MANBA: variants seen among roughly 807,000 people sequenced by gnomAD.
MANBA encodes beta-mannosidase.
A neutral mutation model predicts 111.1 loss-of-function variants in MANBA; 83 were observed. The observed-to-expected ratio is 0.75, with a 90% CI of 0.63 to 0.90. The LOEUF is 0.90. MANBA is among the 40% of genes least tolerant of loss of function. The pLI is 0.00. For missense variants in MANBA, 1,036 were observed against 1,069.0 expected (o/e 0.97, Z 0.43); for synonymous variants, 370 against 378.7 (o/e 0.98, Z 0.27).
intron 5 of MANBA, among the ~76,000 whole-genome samples, chr4:102,691,803 T>A (rs1732490192): frequency 6.6e-6 from 1 of 152,174 alleles, no homozygotes; most frequent in Non-Finnish European, 1.5e-5. Context: ...CCACCATGCC[T>A]GGCCAAGGAA....
At chr4:102,738,438 C>G (rs1194403318) in intron 1 of MANBA, among the ~76,000 whole-genome samples, 1 of 152,244 alleles carries the variant, frequency 6.6e-6, no homozygotes, top group Non-Finnish European at 1.5e-5. Context: ...TCTTGGCAGA[C>G]AGTCCCCAGC....
chr4:102,668,024 T>A (rs941282155), intron 10 of MANBA: 3 of 152,326 alleles, frequency 2.0e-5, no homozygotes, highest in East Asian at 1.9e-4. Context: ...CACAAGTTGG[T>A]TTCTAAACTG....
In MANBA at chr4:102,636,003, G is replaced by A. The variant is rs759861033; in HGVS notation, c.2019C>T (p.Tyr673=). 3.2e-5 allele frequency: 51 copies of A among 1,613,248 alleles called. No homozygotes were observed. The highest frequency in any genetic ancestry group is 2.9e-4 in the East Asian group (13 of 44,892). The change falls in exon 15 of 17, where the codon TAC becomes TAT. Residue 673 remains tyrosine (Y), a synonymous_variant. Transcript: ENST00000647097. ...AATGAAGCATTTTCCACTTTCCTCC[G>A]TACTCTGAAAATAATCAAGAGTGTC... is the stretch of plus-strand genomic sequence containing the variant. ...WQAPSWASLE[Y]GGKWKMLHYF... is the part of the protein sequence containing the mutation.
rs1195923041 is a variant in MANBA at position 102,757,329 on chromosome 4, CA to C, written c.177+3388del. Among the ~76,000 whole-genome samples the C allele has an allele frequency of 6.8e-3, 862 of 127,414 alleles. 8 individuals are homozygous for C. The highest frequency in any genetic ancestry group is 0.022 in the Admixed American group (273 of 12,580). The allele number at this position is 127,414 out of a possible 152,430, so 83.6% of individuals were successfully genotyped here. On this transcript the variant is annotated intron_variant, in intron 1 of 16. Transcript: ENST00000647097. ...GGGCAACAAGAGCGAAACTCCGTCT[CA>C]AAAAAAAAAAAATAGCAGGCTGAAG...
intron 5 of MANBA, among the ~76,000 whole-genome samples, chr4:102,706,698 A>G (rs1364981395): frequency 6.6e-6 from 1 of 152,192 alleles, no homozygotes; most frequent in African/African-American, 2.4e-5. Context: ...AAAAAAAAAG[A>G]AATCAGAAAA....
At chr4:102,680,574 C>T (rs1415052794) in intron 7 of MANBA, among the ~76,000 whole-genome samples, 2 of 148,102 alleles carry the variant, frequency 1.4e-5, no homozygotes, top group Non-Finnish European at 1.5e-5. Context: ...ACAATTTGTC[C>T]AAAGTTCTAA....
chr4:102,647,559 T>C (rs984630976), intron 13 of MANBA, among the ~76,000 whole-genome samples: 1 of 151,886 alleles, frequency 6.6e-6, no homozygotes, highest in Admixed American at 6.6e-5. Context: ...AAAAGTCTCT[T>C]ATACACACAC....
chr4:102,701,880 G>A (rs1029065596), intron 5 of MANBA, among the ~76,000 whole-genome samples: 3 of 151,734 alleles, frequency 2.0e-5, no homozygotes, highest in African/African-American at 7.3e-5. Flanking sequence ...GGCGTTCTCT[G>A]TATTTCCTGA....
intron 4 of MANBA, among the ~76,000 whole-genome samples, chr4:102,719,164 CAG>C (rs1722466670): frequency 6.6e-6 from 1 of 152,164 alleles, no homozygotes; most frequent in African/African-American, 2.4e-5. Flanking sequence ...CCGCATAAGA[CAG>C]ACACTCCCAG....
At chr4:102,695,551 TACAA>T (rs1732668581) in intron 5 of MANBA, among the ~76,000 whole-genome samples, 1 of 152,172 alleles carries the variant, frequency 6.6e-6, no homozygotes, top group South Asian at 2.1e-4. Context: ...TATTCTAACT[TACAA>T]ACAAAGGAAA....
chr4:102,702,407 C>T (rs141190853), intron 5 of MANBA, among the ~76,000 whole-genome samples: 7,612 of 152,246 alleles, frequency 0.05, 249 homozygotes, highest in Middle Eastern at 0.075. Context: ...TGAGGAGCTG[C>T]GTTCCTTTGG....
chr4:102,720,859 T>C (rs867340652), intron 4 of MANBA, among the ~76,000 whole-genome samples: 14 of 152,100 alleles, frequency 9.2e-5, no homozygotes, highest in Admixed American at 5.9e-4. Context: ...CAGGAGGAGG[T>C]ATAATTTTAA....
chr4:102,663,439 A>G (rs182839985), intron 11 of MANBA, among the ~76,000 whole-genome samples: 2 of 152,334 alleles, frequency 1.3e-5, no homozygotes, highest in Admixed American at 6.5e-5. Flanking sequence ...GAAAAACATA[A>G]TATCAATATT....
chr4:102,734,445 G>A, intron 1 of MANBA: 1 of 1,606,780 alleles, frequency 6.2e-7, no homozygotes, highest in East Asian at 2.2e-5. Context: ...CTTCCTGGGA[G>A]CCATCTTCCA....
chr4:102,685,987 A>G (rs1732193522), intron 7 of MANBA, among the ~76,000 whole-genome samples: 1 of 151,988 alleles, frequency 6.6e-6, no homozygotes, highest in African/African-American at 2.4e-5. Flanking sequence ...ATTATTGAGT[A>G]CCTCCTTACT....
At position 102,662,376 on chromosome 4, in the gene MANBA, T is replaced by C. The variant is rs539614452; in HGVS notation, c.1485+2309A>G. ...CCAACATGCTGAAACCCTGTCTCTA[T>C]GAAAAATACAAAAATTAGCTGGGTG... On this transcript the variant is annotated intron_variant, in intron 11 of 16. Transcript: ENST00000647097. Among the ~76,000 whole-genome samples the C allele has an allele frequency of 1.1e-3, 164 of 151,710 alleles. 1 individual carries two copies. In the South Asian group the frequency reaches 0.031, roughly 28 times the overall value.
chr4:102,684,383 T>C (rs1732114841), intron 7 of MANBA, among the ~76,000 whole-genome samples: 1 of 152,146 alleles, frequency 6.6e-6, no homozygotes, highest in Admixed American at 6.5e-5. Flanking sequence ...TATAACCACT[T>C]TGGATGGCAG....
In MANBA at chr4:102,756,797, TAA is replaced by T. The variant is rs35787338; in HGVS notation, c.177+3919_177+3920del. 4.8e-3 allele frequency among the ~76,000 whole-genome samples: 345 copies of T among 71,986 alleles called. 2 individuals carry two copies. The highest frequency in any genetic ancestry group is 0.025 in the Middle Eastern group (3 of 120). The allele number at this position is 71,986 out of a possible 152,430, so 47.2% of individuals were successfully genotyped here. Reference sequence around the variant, plus strand: ...TTAATGTTGGCATACAGAGACTATCTAAAAAAAAAAAAAAAAAAAAAAAAGAA... The same window carrying T: ...TTAATGTTGGCATACAGAGACTATCTAAAAAAAAAAAAAAAAAAAAAAGAA... On this transcript the variant is annotated intron_variant, in intron 1 of 16. Coordinates refer to ENST00000647097, the MANE Select transcript of MANBA (RefSeq NM_005908.4).
chr4:102,713,249 T>C (rs746668856), intron 5 of MANBA, among the ~76,000 whole-genome samples: 1 of 152,206 alleles, frequency 6.6e-6, no homozygotes, highest in Admixed American at 6.5e-5. Flanking sequence ...TAGGCCTCCG[T>C]GTGATTACAC....
Sources: gnomAD v4.1 joint callset for allele counts (sites outside exome capture counted in the v4.1 genomes callset) on GRCh38, gnomAD v4.1.1 for gene constraint, MANE v1.5 for transcripts, NCBI Gene and HGNC (gene_info 2026-07-23, HGNC 2026-07-21) for gene names.